Variants in HUNK observed in about 807,000 individuals in gnomAD.
HUNK encodes hormonally up-regulated Neu-associated kinase.
In HUNK, 21 loss-of-function variants were observed where a neutral mutation model predicts 61.0. That is an observed-to-expected ratio of 0.34 (90% CI 0.24 to 0.50). The LOEUF (loss-of-function observed/expected upper bound fraction) is 0.50. HUNK is among the 20% of genes least tolerant of loss of function. The probability of loss-of-function intolerance (pLI) is 0.98; values close to 1 mark genes in which losing one functional copy is unlikely to be tolerated. For synonymous variants in HUNK, 371 were observed against 386.1 expected (o/e 0.96, Z 0.46); for missense variants, 772 against 945.7 (o/e 0.82, Z 2.41).
chr21:31,995,158 C>CAA (rs34858300), intron 9 of HUNK, among the ~76,000 whole-genome samples: 236 of 73,438 alleles, frequency 3.2e-3, no homozygotes, highest in African/African-American at 6.8e-3. Flanking sequence ...GACCCTGCCT[C>CAA]AAAAAAAAAA....
intron 1 of HUNK, among the ~76,000 whole-genome samples, chr21:31,881,992 C>T (rs1259056229): frequency 2.0e-5 from 3 of 152,134 alleles, no homozygotes; most frequent in African/African-American, 4.8e-5. Flanking sequence ...AACTCTGGGG[C>T]AACTGAGTGT....
intron 1 of HUNK, among the ~76,000 whole-genome samples, chr21:31,912,988 G>A (rs2833556): frequency 0.32 from 48,168 of 152,122 alleles, 9,526 homozygotes; most frequent in African/African-American, 0.56. Context: ...AGTAGAGATG[G>A]CCAAGAACTT....
intron 1 of HUNK, among the ~76,000 whole-genome samples, chr21:31,919,578 G>T (rs11910019): frequency 2.0e-5 from 3 of 152,096 alleles, no homozygotes; most frequent in Non-Finnish European, 4.4e-5. Context: ...CTGCAGTGTA[G>T]ACACTTGCTA....
At chr21:31,973,616 G>A (rs1331475776) in intron 6 of HUNK, among the ~76,000 whole-genome samples, 1 of 150,490 alleles carries the variant, frequency 6.6e-6, no homozygotes, top group East Asian at 1.9e-4. Flanking sequence ...TGATGGATGT[G>A]TCTGTTTATT....
At chr21:31,980,371 G>T (rs1568940500) in intron 7 of HUNK, among the ~76,000 whole-genome samples, 1 of 137,078 alleles carries the variant, frequency 7.3e-6, no homozygotes, top group African/African-American at 2.8e-5. Flanking sequence ...CACCAGGCCT[G>T]TCTTCTTCTT....
intron 1 of HUNK, among the ~76,000 whole-genome samples, chr21:31,908,936 A>G (rs1156723375): frequency 6.6e-6 from 1 of 152,166 alleles, no homozygotes; most frequent in African/African-American, 2.4e-5. Flanking sequence ...GGGCATACCA[A>G]GATGAATCAC....
chr21:31,900,446 A>ACACACACACACACAC (rs2052456766), intron 1 of HUNK, among the ~76,000 whole-genome samples: 1 of 143,022 alleles, frequency 7.0e-6, no homozygotes, highest in African/African-American at 2.7e-5. Flanking sequence ...TAGTTACTGA[A>ACACACACACACACAC]ACACACACAC....
At chr21:31,975,794 C>T (rs948161976) in intron 7 of HUNK, among the ~76,000 whole-genome samples, 2 of 152,288 alleles carry the variant, frequency 1.3e-5, no homozygotes, top group South Asian at 2.1e-4. Flanking sequence ...AAATGATATT[C>T]TCGCTGGCAT....
At chr21:31,945,870 C>T (rs116791453) in intron 3 of HUNK, among the ~76,000 whole-genome samples, 166 bp from the exon 4 acceptor site, 1,894 of 152,218 alleles carry the variant, frequency 0.012, 39 homozygotes, top group African/African-American at 0.043. Context: ...CGTATCCAGA[C>T]GTTATGGTTT....
chr21:31,951,426 T>C lies in HUNK; in HGVS notation c.746+5255T>C, dbSNP rs191099629. Among the ~76,000 whole-genome samples the C allele has an allele frequency of 4.1e-4, 63 of 152,320 alleles. 1 individual carries two copies. The highest frequency in any genetic ancestry group is 3.2e-3 in the Admixed American group (49 of 15,308). On this transcript the variant is annotated intron_variant, in intron 4 of 10. Transcript: ENST00000270112. ...TCTTCAGAATATTACAATACTCATG[T>C]GCAACCTTCAGTGAATCCCTACTGG...
chr21:31,984,945 A>G (rs1442658860), intron 8 of HUNK, among the ~76,000 whole-genome samples: 1 of 152,212 alleles, frequency 6.6e-6, no homozygotes, highest in African/African-American at 2.4e-5. Context: ...AGGCCTCACA[A>G]TCATGGCAGA....
At chr21:31,932,189 C>G (rs561583529) in intron 2 of HUNK, among the ~76,000 whole-genome samples, 2 of 152,352 alleles carry the variant, frequency 1.3e-5, no homozygotes, top group Admixed American at 1.3e-4. Context: ...GGCGTAAACA[C>G]ACACACACAC....
At chr21:31,917,758 C>CA (rs2052595639) in intron 1 of HUNK, among the ~76,000 whole-genome samples, 3 of 107,782 alleles carry the variant, frequency 2.8e-5, no homozygotes, top group African/African-American at 7.0e-5. Context: ...ACACACACAC[C>CA]CCTGGACTGA....
chr21:31,991,455 G>C (rs2053171461), intron 9 of HUNK, among the ~76,000 whole-genome samples: 2 of 152,158 alleles, frequency 1.3e-5, no homozygotes, highest in Non-Finnish European at 2.9e-5. Flanking sequence ...CTGACCTCAA[G>C]TGATCTGCCT....
chr21:31,934,251 C>G (rs1568928881), intron 2 of HUNK, among the ~76,000 whole-genome samples: 1 of 151,728 alleles, frequency 6.6e-6, no homozygotes, highest in African/African-American at 2.4e-5. Context: ...GTCAGGAGAT[C>G]GAGACCACGG....
At chr21:31,918,372 GA>G (rs2052599982) in intron 1 of HUNK, among the ~76,000 whole-genome samples, 1 of 152,184 alleles carries the variant, frequency 6.6e-6, no homozygotes, top group Admixed American at 6.5e-5. Context: ...CAGAACTTGG[GA>G]ATCAAGGTGT....
intron 7 of HUNK, among the ~76,000 whole-genome samples, chr21:31,979,505 T>C (rs1006377170): frequency 6.9e-6 from 1 of 145,914 alleles, no homozygotes; most frequent in Non-Finnish European, 1.5e-5. Context: ...GCTATTGAGT[T>C]GTTTGCATTC....
chr21:31,958,554 T>C (rs1208097046), intron 4 of HUNK, among the ~76,000 whole-genome samples: 2 of 152,088 alleles, frequency 1.3e-5, no homozygotes, highest in Non-Finnish European at 2.9e-5. Flanking sequence ...TGGTCCAGGC[T>C]GATGAGGCAG....
At chr21:31,881,263 G>C (rs2833548) in intron 1 of HUNK, among the ~76,000 whole-genome samples, 52,055 of 152,042 alleles carry the variant, frequency 0.34, 9,388 homozygotes, top group Middle Eastern at 0.46. Context: ...TTTTCCATGC[G>C]CATTTTGGAT....
Sources: allele counts gnomAD v4.1 joint callset (sites outside exome capture counted in the v4.1 genomes callset), GRCh38; gene constraint gnomAD v4.1.1; transcripts MANE v1.5; gene names NCBI Gene and HGNC (gene_info 2026-07-23, HGNC 2026-07-21).